Variants in CDH3 observed in about 807,000 individuals in gnomAD.
The protein encoded by CDH3 is cadherin 3.
In CDH3, 54 loss-of-function variants were observed where a neutral mutation model predicts 82.0. The ratio of observed to expected loss-of-function variants is 0.66; its 90% CI spans 0.53 to 0.83. The LOEUF is 0.83. Ranked by LOEUF, CDH3 falls within the 40% of genes least tolerant of loss-of-function variation. The pLI is 0.00. For missense variants in CDH3, 1,054 were observed against 1,084.6 expected, an observed-to-expected ratio of 0.97 and a Z score of 0.40; for synonymous variants, 446 against 437.9, an observed-to-expected ratio of 1.02 and a Z score of -0.23.
chr16:68,660,850 T>G (rs1274627241), intron 2 of CDH3, among the ~76,000 whole-genome samples: 1 of 151,868 alleles, frequency 6.6e-6, no homozygotes, highest in Non-Finnish European at 1.5e-5. Context: ...TCCCAGCTAT[T>G]TGGGAGGCTG....
At chr16:68,645,533 G>C in intron 1 of CDH3, 103 bp from the exon 2 acceptor site, 2 of 1,454,848 alleles carry the variant, frequency 1.4e-6, no homozygotes, top group Non-Finnish European at 1.9e-6. Flanking sequence ...GCTCCCTGGG[G>C]CCAAGGGAGT....
At chr16:68,690,041 C>T (rs1050669892) in intron 12 of CDH3, among the ~76,000 whole-genome samples, 4 of 152,152 alleles carry the variant, frequency 2.6e-5, no homozygotes, top group African/African-American at 4.8e-5. Context: ...ATATTATGTT[C>T]GTCACCCACA....
chr16:68,721,767 A>G (rs967451355), intron 1 of CDH3, among the ~76,000 whole-genome samples: 70 of 152,180 alleles, frequency 4.6e-4, no homozygotes, highest in African/African-American at 1.7e-3. Flanking sequence ...CTCCGTCTCA[A>G]AACAAAATAA....
At chr16:68,693,614 T>C (rs899982267) in intron 13 of CDH3, among the ~76,000 whole-genome samples, 1 of 152,152 alleles carries the variant, frequency 6.6e-6, no homozygotes, top group Non-Finnish European at 1.5e-5. Context: ...CCATTTGGCG[T>C]CTTGCCTTCC....
Position 68,653,386 on chromosome 16 carries a change from C to T in CDH3, c.160+7636C>T, listed in dbSNP as rs191967270. Among the ~76,000 whole-genome samples, 389 of 151,892 alleles carry T rather than the reference C, an allele frequency of 2.6e-3. 1 individual carries two copies. The highest frequency in any genetic ancestry group is 6.8e-3 in the Middle Eastern group (2 of 294). On this transcript the variant is annotated intron_variant, in intron 2 of 15. Transcript: ENST00000264012. ...CCAAGTAGCTGGGATTACAGGCATG[C>T]GCCACCAAGTCCGGCTAATTTTATA...
chr16:68,660,149 C>T (rs911138311), intron 2 of CDH3, among the ~76,000 whole-genome samples: 2 of 152,246 alleles, frequency 1.3e-5, no homozygotes, highest in Non-Finnish European at 1.5e-5. Context: ...GAAAGATGAT[C>T]GAGTGAACTG....
At chr16:68,701,046 C>G (rs1156612454), downstream of CDH3, among the ~76,000 whole-genome samples, 1 of 152,172 alleles carries the variant, frequency 6.6e-6, no homozygotes, top group Non-Finnish European at 1.5e-5. Context: ...TGCCCGTTAT[C>G]TTCAACTCCC....
At chr16:68,667,838 T>C (rs545756641) in intron 2 of CDH3, among the ~76,000 whole-genome samples, 5 of 152,338 alleles carry the variant, frequency 3.3e-5, no homozygotes, top group African/African-American at 9.6e-5. Flanking sequence ...CTGGTTTCCA[T>C]TGGATGTCTT....
intron 10 of CDH3, 69 bp downstream of exon 10, chr16:68,684,893 C>T (rs966485805): frequency 1.5e-5 from 24 of 1,578,398 alleles, no homozygotes; most frequent in East Asian, 6.7e-5. Context: ...TCATGGCCAA[C>T]GTTTGTTCTG....
intron 4 of CDH3, 54 bp from the exon 5 acceptor site, chr16:68,678,447 C>T: frequency 6.2e-7 from 1 of 1,610,274 alleles, no homozygotes; most frequent in Non-Finnish European, 8.5e-7. Flanking sequence ...GACTCTTTGT[C>T]ACAGTCATGG....
At chr16:68,683,760 C>T (rs993704745) in intron 9 of CDH3, among the ~76,000 whole-genome samples, 1 of 147,340 alleles carries the variant, frequency 6.8e-6, no homozygotes, top group Non-Finnish European at 1.5e-5. Flanking sequence ...ATCCCGTCTA[C>T]GCTAAAAGTA....
chr16:68,681,567 G>A (rs1961230599), intron 8 of CDH3, among the ~76,000 whole-genome samples: 1 of 152,226 alleles, frequency 6.6e-6, no homozygotes, highest in African/African-American at 2.4e-5. Flanking sequence ...CAGGGGCGGT[G>A]GCTCACACCT....
In CDH3 at chr16:68,666,217, G is replaced by A. The variant is rs556165836; in HGVS notation, c.161-10168G>A. Among the ~76,000 whole-genome samples the A allele has an allele frequency of 9.9e-5, 15 of 151,966 alleles. No homozygotes were observed. The South Asian group carries it at 2.1e-3, about 21-fold the overall frequency. On this transcript the variant is annotated intron_variant, in intron 2 of 15. Transcript: ENST00000264012. ...GCAAGCTGAGGCCCTCACACACCCCGTCAGCCCTATCTGTGAGAAGATCCA... is the reference window on the plus strand; with the variant it reads ...GCAAGCTGAGGCCCTCACACACCCCATCAGCCCTATCTGTGAGAAGATCCA...
At chr16:68,722,065 G>A (rs1339497029) in intron 1 of CDH3, among the ~76,000 whole-genome samples, 1 of 152,112 alleles carries the variant, frequency 6.6e-6, no homozygotes, top group Non-Finnish European at 1.5e-5. Context: ...CTCCAACCTG[G>A]GTGATAAGCA....
intron 13 of CDH3, among the ~76,000 whole-genome samples, chr16:68,693,278 T>C (rs933686286): frequency 6.6e-6 from 1 of 152,062 alleles, no homozygotes; most frequent in Non-Finnish European, 1.5e-5. Flanking sequence ...GCAAGATTCC[T>C]GCTGAGCAGA....
At chr16:68,687,819 C>A in intron 12 of CDH3, 83 bp downstream of exon 12, 1 of 930,556 alleles carries the variant, frequency 1.1e-6, no homozygotes, top group Non-Finnish European at 1.7e-6. Flanking sequence ...TGCACACGTT[C>A]CTATCCTAGC....
intron 2 of CDH3, chr16:68,651,626 G>A (rs1448682045): frequency 3.9e-6 from 2 of 506,924 alleles, no homozygotes; most frequent in Non-Finnish European, 7.8e-6. Context: ...TCTCAAACAG[G>A]TTACTGGCCT....
chr16:68,686,731 C>T, intron 11 of CDH3: 1 of 715,612 alleles, frequency 1.4e-6, no homozygotes, highest in Non-Finnish European at 2.5e-6. Context: ...CTGCCCATTC[C>T]ACTGAAGTTC....
chr16:68,672,595 A>C (rs1960916416), intron 2 of CDH3, among the ~76,000 whole-genome samples: 1 of 152,098 alleles, frequency 6.6e-6, no homozygotes, highest in Admixed American at 6.6e-5. Context: ...GGCCCCTGGG[A>C]CCCTCTGGAA....
Sources: gnomAD v4.1 joint callset for allele counts (sites outside exome capture counted in the v4.1 genomes callset) on GRCh38, gnomAD v4.1.1 for gene constraint, MANE v1.5 for transcripts, NCBI Gene and HGNC (gene_info 2026-07-23, HGNC 2026-07-21) for gene names.